Variants in KDM4C observed in about 807,000 individuals in gnomAD.
The protein encoded by KDM4C is lysine demethylase 4C.
KDM4C carries 81 observed loss-of-function variants against 129.3 expected under a neutral mutation model. The observed-to-expected ratio is 0.63, with a 90% CI of 0.52 to 0.75. KDM4C has a LOEUF of 0.75. Ranked by LOEUF, KDM4C falls within the 30% of genes least tolerant of loss-of-function variation. KDM4C has a pLI of 0.00. For synonymous variants in KDM4C, 573 were observed against 456.1 expected (o/e 1.26, Z -3.26); for missense variants, 1,457 against 1,304.0 (o/e 1.12, Z -1.81).
chr9:6,790,199 T>G (rs12115812), intron 1 of KDM4C, among the ~76,000 whole-genome samples: 3 of 150,150 alleles, frequency 2.0e-5, no homozygotes, highest in Non-Finnish European at 4.4e-5. Flanking sequence ...CCACCGCGCC[T>G]GGCCAAACTT....
In KDM4C at chr9:6,939,225, C is replaced by T. The variant is rs541825963; in HGVS notation, c.922-41700C>T. Reference sequence around the variant, plus strand: ...TGAGCTCCACCTCCTGTCAGATCAGCGGTGGTATTAGATTCTCATAGAGTG... The same window carrying T: ...TGAGCTCCACCTCCTGTCAGATCAGTGGTGGTATTAGATTCTCATAGAGTG... On this transcript the variant is annotated intron_variant, in intron 8 of 21. Coordinates refer to ENST00000381309, the MANE Select transcript of KDM4C (RefSeq NM_015061.6). Among the ~76,000 whole-genome samples the T allele has an allele frequency of 4.6e-5, 7 of 152,098 alleles. No individual in the cohort carries two copies. The East Asian group carries it at 5.9e-4, about 13-fold the overall frequency.
chr9:6,877,017 A>G (rs1465831593), intron 5 of KDM4C, among the ~76,000 whole-genome samples: 1 of 152,172 alleles, frequency 6.6e-6, no homozygotes, highest in Non-Finnish European at 1.5e-5. Context: ...ATTCATTATA[A>G]TGTACTACCC....
chr9:6,758,369 G>A lies in KDM4C; in HGVS notation c.-18+166G>A, dbSNP rs10118219. Among the ~76,000 whole-genome samples, 9,942 of 152,248 alleles carry A rather than the reference G, an allele frequency of 0.065. 390 individuals carry two copies. The highest frequency in any genetic ancestry group is 0.12 in the Middle Eastern group (35 of 294). On this transcript the variant is annotated intron_variant, in intron 1 of 21. Transcript: ENST00000381309. The surrounding 1 kb of genome is among the most constrained non-coding windows in gnomAD (Gnocchi z 4.6). ...GTGACTGCAGCGACTGTCAAGCTGG[G>A]GAGGGAGCGGCCGGCCGCGGCCGCA...
chr9:6,738,161 A>AAACTG (rs759527345), intron 1 of KDM4C, among the ~76,000 whole-genome samples: 1 of 148,742 alleles, frequency 6.7e-6, no homozygotes, highest in South Asian at 2.2e-4. Flanking sequence ...AAACTAAACT[A>AAACTG]AACTAAACTA....
intron 8 of KDM4C, among the ~76,000 whole-genome samples, chr9:6,973,003 G>A (rs1442692855): frequency 6.6e-6 from 1 of 152,082 alleles, no homozygotes; most frequent in Non-Finnish European, 1.5e-5. Flanking sequence ...ATATAATAGT[G>A]GGGCCAGACA....
intron 1 of KDM4C, among the ~76,000 whole-genome samples, chr9:6,728,519 G>C (rs956271477): frequency 6.6e-6 from 1 of 151,012 alleles, no homozygotes; most frequent in Admixed American, 6.6e-5. Context: ...GGGCAAGCAA[G>C]ACTCCTACTC....
chr9:6,874,687 C>G (rs1001726282), intron 5 of KDM4C, among the ~76,000 whole-genome samples: 1 of 152,140 alleles, frequency 6.6e-6, no homozygotes, highest in African/African-American at 2.4e-5. Flanking sequence ...ATCTTGAGCA[C>G]ATGTTGTCTG....
At chr9:6,764,648 G>T (rs927881223) in intron 1 of KDM4C, among the ~76,000 whole-genome samples, 1 of 152,162 alleles carries the variant, frequency 6.6e-6, no homozygotes, top group Non-Finnish European at 1.5e-5. Context: ...TGGTATTTCA[G>T]CTACTATGGT....
intron 12 of KDM4C, among the ~76,000 whole-genome samples, chr9:6,997,996 A>C (rs1278148385): frequency 6.6e-6 from 1 of 152,256 alleles, no homozygotes; most frequent in Non-Finnish European, 1.5e-5. Flanking sequence ...CTGTTAATAC[A>C]AGTTTGGATA....
At chr9:6,920,000 C>T (rs1283995634) in intron 8 of KDM4C, among the ~76,000 whole-genome samples, 3 of 152,184 alleles carry the variant, frequency 2.0e-5, no homozygotes, top group African/African-American at 7.2e-5. Flanking sequence ...TTCCTGCCTG[C>T]TACAAAGGCA....
intron 1 of KDM4C, among the ~76,000 whole-genome samples, chr9:6,786,866 A>G (rs1211655180): frequency 6.6e-6 from 1 of 152,204 alleles, no homozygotes; most frequent in Non-Finnish European, 1.5e-5. Context: ...CACTGTCACT[A>G]AGAATCAAAT....
intron 18 of KDM4C, among the ~76,000 whole-genome samples, chr9:7,119,361 T>C (rs1279199416): frequency 6.6e-6 from 1 of 152,234 alleles, no homozygotes; most frequent in Non-Finnish European, 1.5e-5. Context: ...TGGGAAAAGA[T>C]ACTATTTTCT....
intron 1 of KDM4C, among the ~76,000 whole-genome samples, chr9:6,773,034 C>G (rs1822222152): frequency 6.6e-6 from 1 of 151,892 alleles, no homozygotes; most frequent in African/African-American, 2.4e-5. Context: ...AGGTCTCACT[C>G]TGTCACTCAG....
At chr9:6,771,109 T>TA (rs71315560) in intron 1 of KDM4C, among the ~76,000 whole-genome samples, 5 of 122,576 alleles carry the variant, frequency 4.1e-5, no homozygotes, top group Non-Finnish European at 6.9e-5. Flanking sequence ...TTTTTTTTTT[T>TA]AAGAGATGAG....
intron 17 of KDM4C, among the ~76,000 whole-genome samples, chr9:7,095,915 T>C (rs962162202): frequency 6.6e-6 from 1 of 152,220 alleles, no homozygotes; most frequent in African/African-American, 2.4e-5. Context: ...ATAATGGAAT[T>C]TCCTTTAGGA....
intron 17 of KDM4C, among the ~76,000 whole-genome samples, chr9:7,053,852 A>G (rs1830531894): frequency 6.6e-6 from 1 of 152,228 alleles, no homozygotes; most frequent in Non-Finnish European, 1.5e-5. Context: ...ATCCTGTTAC[A>G]GGGCAGAAAT....
chr9:7,018,245 G>GTGTTAAAC (rs60460301), intron 15 of KDM4C, among the ~76,000 whole-genome samples: 2,468 of 152,238 alleles, frequency 0.016, 58 homozygotes, highest in African/African-American at 0.052. Flanking sequence ...AATGGTAAGT[G>GTGTTAAAC]TTCGTGTACC....
At chr9:6,854,525 C>CAAAAAAAAAA (rs1177446839) in intron 5 of KDM4C, among the ~76,000 whole-genome samples, 47 of 41,308 alleles carry the variant, frequency 1.1e-3, no homozygotes, top group Non-Finnish European at 1.5e-3. Context: ...AACTCCGTCT[C>CAAAAAAAAAA]AAAAAAAAAA....
rs979080286 is a variant in KDM4C, at chr9:7,098,387, C to T, written c.2425-5298C>T. ...CCATGAGATAAATGGCTTCTGATAC[C>T]TTATTTATGATAAGGATTTAATTCA... On this transcript the variant is annotated intron_variant, in intron 17 of 21. Transcript: ENST00000381309. Among the ~76,000 whole-genome samples the T allele has an allele frequency of 5.9e-5, 9 of 152,188 alleles. No homozygotes were observed. In the East Asian group the frequency reaches 1.7e-3, roughly 29 times the overall value.
Sources: gnomAD v4.1 joint callset for allele counts (sites outside exome capture counted in the v4.1 genomes callset) on GRCh38, gnomAD v4.1.1 for gene constraint, Gnocchi (gnomAD v3.1) non-coding constraint, MANE v1.5 for transcripts, NCBI Gene and HGNC (gene_info 2026-07-23, HGNC 2026-07-21) for gene names.